Variants in GARNL3 observed in about 807,000 individuals in gnomAD.
GARNL3 encodes GTPase activating Rap/RanGAP domain like 3, also known as GTPase-activating Rap/Ran-GAP domain-like protein 3.
GARNL3 carries 63 observed loss-of-function variants against 125.0 expected under a neutral mutation model. The observed-to-expected ratio is 0.50, with a 90% confidence interval of 0.41 to 0.62. The LOEUF (loss-of-function observed/expected upper bound fraction) is 0.62, where lower values mean the gene tolerates loss of function less well. GARNL3 is among the 20% of genes least tolerant of loss of function. The pLI, the probability that GARNL3 is intolerant of heterozygous loss-of-function variation, is 0.00. For missense variants in GARNL3, 994 were observed against 1,244.0 expected (o/e 0.80, Z 3.02); for synonymous variants, 439 against 457.5 (o/e 0.96, Z 0.52).
At chr9:127,291,726 C>CTTTTTTTT (rs142800268) in intron 2 of GARNL3, among the ~76,000 whole-genome samples, 1 of 59,304 alleles carries the variant, frequency 1.7e-5, no homozygotes, top group African/African-American at 7.0e-5. Flanking sequence ...ACTCACCTTG[C>CTTTTTTTT]TTTTTTTTTT....
chr9:127,372,708 CA>C (rs1831675442), intron 22 of GARNL3, among the ~76,000 whole-genome samples: 1 of 152,190 alleles, frequency 6.6e-6, no homozygotes, highest in Non-Finnish European at 1.5e-5. Flanking sequence ...GACAAAAACA[CA>C]AAATGCTACA....
At chr9:127,279,108 C>T (rs1319968355) in intron 1 of GARNL3, among the ~76,000 whole-genome samples, 2 of 152,054 alleles carry the variant, frequency 1.3e-5, no homozygotes, top group Non-Finnish European at 2.9e-5. Flanking sequence ...TTACCTTTTG[C>T]CCTTTAGTGT....
intron 1 of GARNL3, among the ~76,000 whole-genome samples, chr9:127,229,948 T>G (rs1207330093): frequency 6.6e-6 from 1 of 152,226 alleles, no homozygotes; most frequent in Non-Finnish European, 1.5e-5. Context: ...CTAACTAGCC[T>G]GCAGACACAG....
chr9:127,225,835 C>G (rs920487248), intron 1 of GARNL3, among the ~76,000 whole-genome samples: 2 of 151,188 alleles, frequency 1.3e-5, no homozygotes, highest in African/African-American at 4.8e-5. Context: ...GCGCCCCTCG[C>G]GCCCCTTGCG....
At chr9:127,264,356 G>A, upstream of GARNL3, 1 of 281,690 alleles carries the variant, frequency 3.5e-6, no homozygotes. Flanking sequence ...TATGTAAAAA[G>A]CTGAATATAC....
intron 14 of GARNL3, 77 bp downstream of exon 14, chr9:127,342,411 G>A: frequency 1.0e-6 from 1 of 969,410 alleles, no homozygotes; most frequent in Non-Finnish European, 1.7e-6. Flanking sequence ...TCAGCGATGA[G>A]GCCCTGGTGA....
chr9:127,304,788 C>T (rs1385770977), intron 2 of GARNL3, among the ~76,000 whole-genome samples: 3 of 152,100 alleles, frequency 2.0e-5, no homozygotes, highest in Admixed American at 6.6e-5. Context: ...CCACCCACCT[C>T]GGCTTCCCAA....
At chr9:127,383,297 A>C (rs1313662019) in intron 22 of GARNL3, 141 bp from the exon 23 acceptor site, 6 of 548,120 alleles carry the variant, frequency 1.1e-5, no homozygotes, top group Non-Finnish European at 2.0e-5. Context: ...AGTATCCAGC[A>C]TCATGGCGGT....
At position 127,390,770 on chromosome 9, in the gene GARNL3, A is replaced by G. The variant is rs1832778763; in HGVS notation, c.2870+3A>G. On this transcript the variant is annotated splice_donor_region_variant and intron_variant, in intron 27 of 27. Coordinates refer to ENST00000373387, the MANE Select transcript of GARNL3 (RefSeq NM_032293.5). ...GTGAGGTCATCTAGCAGTGACAGGT[A>G]AAGAGAGGGAGAGGCCCCTGCTTGG... The G allele has an allele frequency of 6.2e-7, 1 of 1,612,520 alleles. No individual in the cohort carries two copies. The highest frequency in any genetic ancestry group is 1.1e-5 in the South Asian group (1 of 91,010).
At chr9:127,306,923 A>T (rs72766232) in intron 2 of GARNL3, among the ~76,000 whole-genome samples, 1 of 152,148 alleles carries the variant, frequency 6.6e-6, no homozygotes, top group Admixed American at 6.5e-5. Context: ...ATTATAATAC[A>T]TTAAATAATG....
chr9:127,261,922 C>T (rs1295927118), upstream of GARNL3, among the ~76,000 whole-genome samples: 3 of 152,166 alleles, frequency 2.0e-5, no homozygotes, highest in Non-Finnish European at 4.4e-5. Flanking sequence ...TTGTGAAGAA[C>T]CTCGCTAAGT....
intron 17 of GARNL3, 103 bp from the exon 18 acceptor site, chr9:127,353,743 C>T: frequency 1.3e-6 from 1 of 787,662 alleles, no homozygotes. Flanking sequence ...TCCTTCCTTG[C>T]CTAGAGATAA....
Position 127,355,309 on chromosome 9 carries a change from A to G in GARNL3, c.1772A>G (p.Tyr591Cys), listed in dbSNP as rs375977246. Residue 591 changes from tyrosine (Y) to cysteine (C), a missense_variant, in exon 20 of 28, where the codon TAT becomes TGT. This residue lies in a region of GARNL3 where 728 missense variants were observed against 865.7 expected (regional missense o/e 0.84). Transcript: ENST00000373387. ...TTTCTCCTCCCAGGCTGCCACCTGTATGCTATTAACACTCACCACAGCAGA... is the reference window on the plus strand; with the variant it reads ...TTTCTCCTCCCAGGCTGCCACCTGTGTGCTATTAACACTCACCACAGCAGA... ...KLEKTKGCHL[Y>C]AINTHHSREL... 6.2e-7 allele frequency: 1 copy of G among 1,613,874 alleles called. No homozygotes were observed. The highest frequency in any genetic ancestry group is 1.3e-5 in the African/African-American group (1 of 74,922).
chr9:127,347,695 T>C (rs1830213993), intron 16 of GARNL3, among the ~76,000 whole-genome samples: 1 of 152,216 alleles, frequency 6.6e-6, no homozygotes, highest in Non-Finnish European at 1.5e-5. Flanking sequence ...GCTTTTTTTA[T>C]GTCCTTTTGG....
chr9:127,380,784 G>A (rs1470712997), intron 22 of GARNL3, among the ~76,000 whole-genome samples: 1 of 152,220 alleles, frequency 6.6e-6, no homozygotes, highest in Non-Finnish European at 1.5e-5. Context: ...GGAAGAAATG[G>A]GGAGTGAGGT....
At chr9:127,318,661 CA>C (rs2065306943) in intron 5 of GARNL3, among the ~76,000 whole-genome samples, 1 of 152,094 alleles carries the variant, frequency 6.6e-6, no homozygotes, top group Non-Finnish European at 1.5e-5. Flanking sequence ...CTCGTGCCCC[CA>C]CCCTCCCACC....
intron 9 of GARNL3, among the ~76,000 whole-genome samples, chr9:127,334,026 T>C (rs1469803097): frequency 2.6e-5 from 4 of 152,056 alleles, no homozygotes; most frequent in Admixed American, 2.0e-4. Flanking sequence ...GGGGAACTAA[T>C]TCAAGAGCCA....
At chr9:127,233,343 G>T (rs1240014023) in intron 1 of GARNL3, among the ~76,000 whole-genome samples, 3 of 152,194 alleles carry the variant, frequency 2.0e-5, no homozygotes, top group Admixed American at 1.3e-4. Context: ...ATGCTGATTG[G>T]CTGGGCCTGG....
chr9:127,332,226 C>A lies in GARNL3; in HGVS notation c.595-48C>A, dbSNP rs184983777. The A allele has an allele frequency of 4.3e-6, 6 of 1,385,822 alleles. No individual in the cohort carries two copies. The Admixed American group carries it at 6.7e-5, about 16-fold the overall frequency. 85.8% of individuals were successfully genotyped at this position (1,385,822 alleles called of 1,614,324 possible). Reference sequence around the variant, plus strand: ...GAACAGCCCATCTCAAAACTATATACGCTGTGATGATAAAATTAACTGTAA... The same window carrying A: ...GAACAGCCCATCTCAAAACTATATAAGCTGTGATGATAAAATTAACTGTAA... On this transcript the variant is annotated intron_variant, in intron 7 of 27. Coordinates refer to ENST00000373387, the MANE Select transcript of GARNL3 (RefSeq NM_032293.5).
Sources: gnomAD v4.1 joint callset for allele counts (sites outside exome capture counted in the v4.1 genomes callset) on GRCh38, gnomAD v4.1.1 for gene constraint, gnomAD v4.1.1 regional missense constraint, MANE v1.5 for transcripts, NCBI Gene and HGNC (gene_info 2026-07-23, HGNC 2026-07-21) for gene names.